The following DNAJC2 variants were observed in gnomAD, a reference collection of about 807,000 sequenced individuals.
The protein encoded by DNAJC2 is dnaJ homolog subfamily C member 2.
A neutral mutation model predicts 94.0 loss-of-function variants in DNAJC2; 32 were observed. That is an observed-to-expected ratio of 0.34 (90% confidence interval 0.26 to 0.46). The LOEUF is 0.46. Ranked by LOEUF, DNAJC2 falls within the 20% of genes least tolerant of loss-of-function variation. The pLI is 1.00. For synonymous variants in DNAJC2, 210 were observed against 229.7 expected (o/e 0.91, Z 0.77); for missense variants, 550 against 719.5 (o/e 0.76, Z 2.69).
chr7:103,332,480 C>T (rs145636898), intron 3 of DNAJC2, among the ~76,000 whole-genome samples: 2 of 152,224 alleles, frequency 1.3e-5, no homozygotes, highest in East Asian at 3.9e-4. Flanking sequence ...ACCGATTCTC[C>T]AATTACAAAA....
intron 1 of DNAJC2, among the ~76,000 whole-genome samples, chr7:103,342,903 C>T (rs965511491): frequency 6.6e-6 from 1 of 152,084 alleles, no homozygotes; most frequent in African/African-American, 2.4e-5. Context: ...CCACCGCGCC[C>T]GGCCTAGACA....
At chr7:103,329,013 G>C in intron 3 of DNAJC2, 1 of 1,272,878 alleles carries the variant, frequency 7.9e-7, no homozygotes. Context: ...ACTCCTACGT[G>C]AACATCCTTT....
At chr7:103,337,342 G>T (rs924523107) in intron 3 of DNAJC2, 4 of 158,152 alleles carry the variant, frequency 2.5e-5, no homozygotes, top group African/African-American at 9.6e-5. Flanking sequence ...ATCTACAAAG[G>T]TGTGACCTAA....
intron 10 of DNAJC2, among the ~76,000 whole-genome samples, chr7:103,321,043 CA>C (rs1390245597): frequency 6.6e-6 from 1 of 151,124 alleles, no homozygotes; most frequent in Non-Finnish European, 1.5e-5. Context: ...ACTAAAAATA[CA>C]AAAATTAGCT....
chr7:103,327,798 C>G, intron 3 of DNAJC2, 44 bp from the exon 4 acceptor site: 1 of 1,333,774 alleles, frequency 7.5e-7, no homozygotes, highest in Non-Finnish European at 1.1e-6. Flanking sequence ...CTTTAAGCAC[C>G]AAAAATAAAG....
intron 2 of DNAJC2, among the ~76,000 whole-genome samples, chr7:103,338,833 C>T (rs1819274362): frequency 6.6e-6 from 1 of 152,044 alleles, no homozygotes; most frequent in Admixed American, 6.5e-5. Flanking sequence ...TTGCTTGAAC[C>T]TGGGAGGCGG....
intron 3 of DNAJC2, chr7:103,335,608 C>G (rs1026968824): frequency 6.6e-6 from 1 of 151,502 alleles, no homozygotes; most frequent in Non-Finnish European, 1.5e-5. Flanking sequence ...TGCAGTGGTA[C>G]AATCTTCGCT....
chr7:103,326,515 T>C, intron 5 of DNAJC2, 28 bp downstream of exon 5: 1 of 1,612,510 alleles, frequency 6.2e-7, no homozygotes, highest in Non-Finnish European at 8.5e-7. Flanking sequence ...AACAGGGCAC[T>C]ATGATCAAAA....
At chr7:103,315,917 C>G (rs1563455180) in intron 14 of DNAJC2, 46 bp from the exon 15 acceptor site, 2 of 1,536,874 alleles carry the variant, frequency 1.3e-6, no homozygotes, top group South Asian at 2.3e-5. Context: ...ATCATTTAAT[C>G]TTTCATTAAA....
Position 103,341,788 on chromosome 7 carries a change from T to C in DNAJC2, c.231A>G (p.Lys77=). ...ELQLEEFPML[K]TLDPKDWKNQ... The stretch of plus-strand genomic sequence containing the variant: ...CCTTCCAGTCTTTGGGATCAAGTGT[T>C]TTCAGCATGGGAAACTCTTCCAACT... The change falls in exon 2 of 17, where the codon AAA becomes AAG. Residue 77 remains lysine, a synonymous_variant. Coordinates refer to ENST00000379263, the MANE Select transcript of DNAJC2 (RefSeq NM_014377.3). The C allele has an allele frequency of 6.3e-7, 1 of 1,591,918 alleles. No homozygotes were observed. Among genetic ancestry groups the C allele is most frequent in the Non-Finnish European group, 8.5e-7 (1 of 1,170,494 alleles).
intron 2 of DNAJC2, among the ~76,000 whole-genome samples, chr7:103,340,463 C>G (rs1479042997): frequency 6.6e-6 from 1 of 152,138 alleles, no homozygotes; most frequent in Admixed American, 6.5e-5. Flanking sequence ...TCTTATTATC[C>G]ATTATTTGTT....
At chr7:103,340,845 AC>A (rs1348014281) in intron 2 of DNAJC2, among the ~76,000 whole-genome samples, 3 of 152,152 alleles carry the variant, frequency 2.0e-5, no homozygotes, top group Admixed American at 2.0e-4. Context: ...CCAATTTCTA[AC>A]CATCTACTAG....
chr7:103,327,449 G>C, intron 4 of DNAJC2: 2 of 761,996 alleles, frequency 2.6e-6, no homozygotes, highest in Non-Finnish European at 4.2e-6. Flanking sequence ...TAAGCTGCCA[G>C]GTGTTGCTGA....
intron 13 of DNAJC2, chr7:103,316,469 A>C: frequency 4.5e-6 from 1 of 222,368 alleles, no homozygotes; most frequent in Non-Finnish European, 8.7e-6. Flanking sequence ...TCTTGCAGTT[A>C]AACTCAAGCT....
At chr7:103,342,499 TTCTCC>T (rs1472597300) in intron 1 of DNAJC2, among the ~76,000 whole-genome samples, 19 of 151,914 alleles carry the variant, frequency 1.3e-4, no homozygotes, top group Admixed American at 1.1e-3. Context: ...GAGATGGGGT[TTCTCC>T]ATGTTGGTCA....
chr7:103,327,350 G>A (rs1818761067), intron 4 of DNAJC2: 2 of 1,289,112 alleles, frequency 1.6e-6, no homozygotes, highest in East Asian at 9.3e-5. Flanking sequence ...ACTGTAGGAT[G>A]AGCTTCTGAT....
chr7:103,334,656 C>T (rs1218672523), intron 3 of DNAJC2, among the ~76,000 whole-genome samples: 1 of 151,414 alleles, frequency 6.6e-6, no homozygotes. Flanking sequence ...CTATGTTGTC[C>T]AGGTTGGTCT....
At chr7:103,313,238 G>A in intron 15 of DNAJC2, 137 bp from the exon 16 acceptor site, 1 of 1,427,824 alleles carries the variant, frequency 7.0e-7, no homozygotes, top group Non-Finnish European at 9.1e-7. Context: ...AGAGATGAGA[G>A]ATACATATAG....
At position 103,313,639 on chromosome 7, in the gene DNAJC2, T is replaced by C. The variant is rs573752102; in HGVS notation, c.1637-538A>G. ...GCTGGAGAGGCAAGCTGAGATTAGA[T>C]TGTGTTGTAGTGTGGTGTTCTCTTC... On this transcript the variant is annotated intron_variant, in intron 15 of 16. Coordinates refer to ENST00000379263, the MANE Select transcript of DNAJC2 (RefSeq NM_014377.3). The C allele has an allele frequency of 3.0e-6, 3 of 985,412 alleles. No individual in the cohort carries two copies. The African/African-American group carries it at 5.2e-5, about 17-fold the overall frequency. 61.0% of individuals were successfully genotyped at this position (985,412 alleles called of 1,614,324 possible).
Sources: gnomAD v4.1 joint callset for allele counts (sites outside exome capture counted in the v4.1 genomes callset) on GRCh38, gnomAD v4.1.1 for gene constraint, MANE v1.5 for transcripts, NCBI Gene and HGNC (gene_info 2026-07-23, HGNC 2026-07-21) for gene names.